The following LINGO2 variants were observed in gnomAD, a reference collection of about 807,000 sequenced individuals.
The protein encoded by LINGO2 is leucine-rich repeat and immunoglobulin-like domain-containing nogo receptor-interacting protein 2.
Under a neutral mutation model 30.6 loss-of-function variants are expected in LINGO2, and 14 were observed. That is an observed-to-expected ratio of 0.46 (90% CI 0.30 to 0.72). The LOEUF is 0.72. LINGO2 is among the 30% of genes least tolerant of loss of function. LINGO2 has a pLI of 0.07. For synonymous variants in LINGO2, 317 were observed against 288.5 expected, an observed-to-expected ratio of 1.10 and a Z score of -1.00; for missense variants, 729 against 751.7, an observed-to-expected ratio of 0.97 and a Z score of 0.35.
At chr9:28,453,706 T>C (rs1824736028) in intron 2 of LINGO2, among the ~76,000 whole-genome samples, 1 of 152,032 alleles carries the variant, frequency 6.6e-6, no homozygotes, top group South Asian at 2.1e-4. Context: ...TATAAATGTA[T>C]GTTGAGCCCT....
At chr9:28,248,319 C>A (rs949278717) in intron 4 of LINGO2, among the ~76,000 whole-genome samples, 1 of 152,092 alleles carries the variant, frequency 6.6e-6, no homozygotes, top group African/African-American at 2.4e-5. Context: ...AGGGATGGAA[C>A]TGGAAGTCAT....
At chr9:28,861,050 T>C in the LINGO2 span, among the ~76,000 whole-genome samples, 3 of 127,112 alleles carry the variant, frequency 2.4e-5, no homozygotes, top group Admixed American at 9.5e-5. Flanking sequence ...AATATATAAA[T>C]GTATAATATG....
rs555935920 is a variant in LINGO2, at chr9:27,998,829, T to C, written c.-36+13526A>G. Among the ~76,000 whole-genome samples, 36 of 152,196 alleles carry C rather than the reference T, an allele frequency of 2.4e-4. 1 individual carries two copies. The South Asian group carries it at 3.1e-3, about 13-fold the overall frequency. ...AACAAAACAGAATTCGAGTAAGAAC[T>C]GCCCAGCTGAGATCCATAACTGCCA... On this transcript the variant is annotated intron_variant, in intron 5 of 5. Coordinates refer to ENST00000379992, the Ensembl canonical transcript of LINGO2.
chr9:28,047,536 C>T (rs1824481053), intron 4 of LINGO2, among the ~76,000 whole-genome samples: 1 of 150,796 alleles, frequency 6.6e-6, no homozygotes. Flanking sequence ...CCTTCAAAGA[C>T]AGTTCTGGGT....
At chr9:28,128,744 A>C (rs1827304903) in intron 4 of LINGO2, among the ~76,000 whole-genome samples, 1 of 152,202 alleles carries the variant, frequency 6.6e-6, no homozygotes, top group South Asian at 2.1e-4. Flanking sequence ...AACACAAAAC[A>C]GATAACAGAG....
chr9:29,072,733 T>C, the LINGO2 span, among the ~76,000 whole-genome samples: 2 of 151,422 alleles, frequency 1.3e-5, no homozygotes, highest in Non-Finnish European at 2.9e-5. Flanking sequence ...CCCTCTCTTG[T>C]CTTCTCTTTC....
At chr9:29,125,876 A>G in the LINGO2 span, among the ~76,000 whole-genome samples, 1 of 152,158 alleles carries the variant, frequency 6.6e-6, no homozygotes, top group African/African-American at 2.4e-5. Flanking sequence ...TGGTAACAGA[A>G]GGGATTTTTA....
intron 5 of LINGO2, among the ~76,000 whole-genome samples, chr9:28,000,102 G>A (rs1821872387): frequency 6.6e-6 from 1 of 152,156 alleles, no homozygotes; most frequent in Admixed American, 6.5e-5. Flanking sequence ...TAAACTCAGT[G>A]AAAAGACTAG....
At chr9:28,472,735 T>C (rs928427839) in intron 2 of LINGO2, among the ~76,000 whole-genome samples, 2 of 152,172 alleles carry the variant, frequency 1.3e-5, no homozygotes, top group African/African-American at 4.8e-5. Context: ...ACTGGTCATA[T>C]GTTTTCTCTC....
At chr9:28,092,532 A>T (rs2133271807) in intron 4 of LINGO2, among the ~76,000 whole-genome samples, 1 of 122,616 alleles carries the variant, frequency 8.2e-6, no homozygotes, top group East Asian at 2.9e-4. Flanking sequence ...AACATCACAC[A>T]CCAGGGCCTG....
At chr9:28,937,391 C>T in the LINGO2 span, among the ~76,000 whole-genome samples, 3 of 152,044 alleles carry the variant, frequency 2.0e-5, no homozygotes, top group African/African-American at 4.8e-5. Flanking sequence ...GTAGGACGGA[C>T]ATAGGAAAGA....
chr9:28,777,175 T>A, the LINGO2 span, among the ~76,000 whole-genome samples: 737 of 152,296 alleles, frequency 4.8e-3, 6 homozygotes, highest in African/African-American at 0.017. Flanking sequence ...ACCTCTTTTC[T>A]TCATAAATGA....
chr9:28,685,182 G>C, the LINGO2 span, among the ~76,000 whole-genome samples: 2 of 152,234 alleles, frequency 1.3e-5, no homozygotes, highest in South Asian at 4.1e-4. Flanking sequence ...TGATTGCATA[G>C]TATTCCATGC....
chr9:28,070,197 T>G (rs974126953), intron 4 of LINGO2, among the ~76,000 whole-genome samples: 1 of 152,156 alleles, frequency 6.6e-6, no homozygotes, highest in Non-Finnish European at 1.5e-5. Context: ...TAAGCACAAC[T>G]GCATATACAC....
chr9:28,844,678 C>T, the LINGO2 span, among the ~76,000 whole-genome samples: 1 of 151,730 alleles, frequency 6.6e-6, no homozygotes, highest in Non-Finnish European at 1.5e-5. Context: ...AATAGCAAAA[C>T]TTCAATATGG....
At chr9:28,988,103 G>T in the LINGO2 span, among the ~76,000 whole-genome samples, 1 of 152,128 alleles carries the variant, frequency 6.6e-6, no homozygotes, top group South Asian at 2.1e-4. Flanking sequence ...CTGTTGAGAT[G>T]AATGGTCCTT....
chr9:28,615,262 C>T (rs555651496), intron 1 of LINGO2, among the ~76,000 whole-genome samples: 1 of 152,214 alleles, frequency 6.6e-6, no homozygotes, highest in Admixed American at 6.5e-5. Context: ...GATATGTACA[C>T]TCTAAATATT....
At position 28,364,276 on chromosome 9, in the gene LINGO2, A is replaced by C. The variant is rs376540079; in HGVS notation, c.-246+8560T>G. Among the ~76,000 whole-genome samples, 4 of 152,140 alleles carry C rather than the reference A, an allele frequency of 2.6e-5. No homozygotes were observed. The South Asian group carries it at 8.3e-4, about 32-fold the overall frequency. On this transcript the variant is annotated intron_variant, in intron 3 of 5. Transcript: ENST00000379992. ...GAAATAATTCAACATTCTTTTTTGCAAGAGTCTCCTTTTTTTCAGATGCTT... is the reference window on the plus strand; with the variant it reads ...GAAATAATTCAACATTCTTTTTTGCCAGAGTCTCCTTTTTTTCAGATGCTT...
At chr9:29,188,138 T>C in the LINGO2 span, among the ~76,000 whole-genome samples, 12 of 150,820 alleles carry the variant, frequency 8.0e-5, no homozygotes, top group Non-Finnish European at 1.0e-4. Context: ...CAAAGGTCTC[T>C]GGTTTTCCTA....
Sources: gnomAD v4.1 joint callset for allele counts (sites outside exome capture counted in the v4.1 genomes callset) on GRCh38, gnomAD v4.1.1 for gene constraint, MANE v1.5 for transcripts, NCBI Gene and HGNC (gene_info 2026-07-23, HGNC 2026-07-21) for gene names.